CPNE4: variants seen among roughly 807,000 people sequenced by gnomAD.
The protein encoded by CPNE4 is copine-4.
In CPNE4, 25 loss-of-function variants were observed where a neutral mutation model predicts 67.9. That is an observed-to-expected ratio of 0.37 (90% CI 0.27 to 0.51). The LOEUF is 0.51. CPNE4 is among the 20% of genes least tolerant of loss of function. The pLI is 0.93. For missense variants in CPNE4, 464 were observed against 690.8 expected (o/e 0.67, Z 3.68); for synonymous variants, 242 against 244.9 (o/e 0.99, Z 0.11).
At chr3:132,018,166 A>T (rs890621572) in intron 1 of CPNE4, among the ~76,000 whole-genome samples, 43 of 79,492 alleles carry the variant, frequency 5.4e-4, no homozygotes, top group Non-Finnish European at 1.0e-3. Flanking sequence ...ATATATTTTT[A>T]AAAAAGAATT....
Position 131,715,214 on chromosome 3 carries a change from AT to A in CPNE4, c.360+8231del, listed in dbSNP as rs1026257197. Reference sequence around the variant, plus strand: ...GGTTTTCGGAGGTTGACACACTGCCATTTTTTAAGAAGCCATATTATATTTA... The same window carrying A: ...GGTTTTCGGAGGTTGACACACTGCCATTTTTAAGAAGCCATATTATATTTA... On this transcript the variant is annotated intron_variant, in intron 3 of 15. Coordinates refer to ENST00000429747, the MANE Select transcript of CPNE4 (RefSeq NM_130808.3). Among the ~76,000 whole-genome samples the A allele has an allele frequency of 7.2e-5, 11 of 152,308 alleles. 1 individual carries two copies. Among genetic ancestry groups the A allele is most frequent in the African/African-American group, 2.6e-4 (11 of 41,570 alleles).
intron 10 of CPNE4, among the ~76,000 whole-genome samples, chr3:131,571,617 C>A (rs567710725): frequency 6.6e-6 from 1 of 152,116 alleles, no homozygotes; most frequent in East Asian, 1.9e-4. Context: ...CACAGTACCT[C>A]TCCTGCTGCT....
At chr3:131,567,212 G>T (rs1216835865) in intron 10 of CPNE4, among the ~76,000 whole-genome samples, 4 of 151,890 alleles carry the variant, frequency 2.6e-5, no homozygotes, top group Non-Finnish European at 5.9e-5. Context: ...ATATAGGCCA[G>T]AGGAAAAAAA....
At chr3:131,611,705 A>G (rs945954467) in intron 7 of CPNE4, among the ~76,000 whole-genome samples, 1 of 151,386 alleles carries the variant, frequency 6.6e-6, no homozygotes, top group Non-Finnish European at 1.5e-5. Context: ...TCCTTTGCAT[A>G]CCAGCCCCTG....
intron 2 of CPNE4, among the ~76,000 whole-genome samples, chr3:131,821,912 AC>A (rs1374113448): frequency 1.3e-5 from 2 of 152,082 alleles, no homozygotes; most frequent in African/African-American, 4.8e-5. Context: ...GACAAAATCC[AC>A]CCCGAATAAT....
rs533306638 is a variant in CPNE4 at position 131,871,942 on chromosome 3, A to G, written c.180+33322T>C. Among the ~76,000 whole-genome samples the G allele has an allele frequency of 6.6e-5, 10 of 152,222 alleles. No homozygotes were observed. The South Asian group carries it at 2.1e-3, about 32-fold the overall frequency. Reference sequence around the variant, plus strand: ...TAAGTAAGATGCTGTGGTAGATTACATTTTCCAAAGATGGCTACACCAAGA... The same window carrying G: ...TAAGTAAGATGCTGTGGTAGATTACGTTTTCCAAAGATGGCTACACCAAGA... On this transcript the variant is annotated intron_variant, in intron 2 of 15. Transcript: ENST00000429747.
chr3:131,784,509 G>A (rs1004268427), intron 2 of CPNE4, among the ~76,000 whole-genome samples: 5 of 152,088 alleles, frequency 3.3e-5, no homozygotes, highest in Non-Finnish European at 7.4e-5. Flanking sequence ...CAGCCTGCAA[G>A]TGTGGGTGAA....
intron 1 of CPNE4, among the ~76,000 whole-genome samples, chr3:131,955,410 G>GTTTTTTTGT (rs1553814124): frequency 9.5e-5 from 4 of 42,270 alleles, no homozygotes; most frequent in Admixed American, 3.0e-4. Flanking sequence ...TGTATGTAAG[G>GTTTTTTTGT]TTTTTTTTTT....
At chr3:131,924,697 T>G (rs570331291) in intron 1 of CPNE4, among the ~76,000 whole-genome samples, 6 of 152,324 alleles carry the variant, frequency 3.9e-5, no homozygotes, top group Non-Finnish European at 7.4e-5. Flanking sequence ...AATAGTATTT[T>G]CAGTCCCTAG....
chr3:131,835,396 G>T (rs547299404), intron 2 of CPNE4, among the ~76,000 whole-genome samples: 20 of 152,234 alleles, frequency 1.3e-4, no homozygotes, highest in African/African-American at 4.1e-4. Context: ...GGGCATGGTG[G>T]GGCGTGCCTG....
intron 1 of CPNE4, among the ~76,000 whole-genome samples, chr3:131,929,000 T>A (rs889519819): frequency 2.0e-5 from 3 of 152,094 alleles, no homozygotes; most frequent in Admixed American, 1.3e-4. Flanking sequence ...TCTTTTAAAC[T>A]ACAGTTGCAA....
intron 2 of CPNE4, among the ~76,000 whole-genome samples, chr3:131,792,676 TATAC>T (rs2107885830): frequency 1.4e-5 from 1 of 71,346 alleles, no homozygotes; most frequent in Non-Finnish European, 2.8e-5. Flanking sequence ...TATATACATA[TATAC>T]ACACGTGTAT....
intron 2 of CPNE4, among the ~76,000 whole-genome samples, chr3:131,884,551 G>A (rs1004054875): frequency 2.6e-5 from 4 of 152,136 alleles, no homozygotes; most frequent in African/African-American, 9.7e-5. Flanking sequence ...GTTTCAGAGA[G>A]CAGGTTCCGC....
intron 7 of CPNE4, among the ~76,000 whole-genome samples, chr3:131,654,352 T>A (rs2079894040): frequency 6.6e-6 from 1 of 152,132 alleles, no homozygotes; most frequent in South Asian, 2.1e-4. Context: ...GTCACCCAGG[T>A]ACTAAGCCTA....
intron 7 of CPNE4, among the ~76,000 whole-genome samples, chr3:131,651,283 C>G (rs2079809842): frequency 6.6e-6 from 1 of 152,092 alleles, no homozygotes; most frequent in Admixed American, 6.6e-5. Flanking sequence ...TTATTAAAAG[C>G]TTAGAAAAAC....
At chr3:131,803,953 T>C (rs749770944) in intron 2 of CPNE4, among the ~76,000 whole-genome samples, 2 of 152,182 alleles carry the variant, frequency 1.3e-5, no homozygotes, top group African/African-American at 4.8e-5. Flanking sequence ...GTTTATAAAG[T>C]CTAGTTACAA....
intron 1 of CPNE4, among the ~76,000 whole-genome samples, chr3:132,024,082 ATTTTTT>A: frequency 7.5e-6 from 1 of 134,040 alleles, no homozygotes; most frequent in African/African-American, 2.8e-5. Flanking sequence ...GTCTTCAGTA[ATTTTTT>A]TTTTTTTTTT....
At chr3:131,633,295 C>T (rs2079282783) in intron 7 of CPNE4, among the ~76,000 whole-genome samples, 1 of 152,098 alleles carries the variant, frequency 6.6e-6, no homozygotes, top group African/African-American at 2.4e-5. Flanking sequence ...CATTACCTCT[C>T]TAAAATTTCA....
At chr3:131,901,174 G>C (rs1031065487) in intron 2 of CPNE4, among the ~76,000 whole-genome samples, 1 of 152,082 alleles carries the variant, frequency 6.6e-6, no homozygotes, top group Non-Finnish European at 1.5e-5. Context: ...GTTCATAAGA[G>C]TCCTTGCCTT....
Sources: gnomAD v4.1 joint callset for allele counts (sites outside exome capture counted in the v4.1 genomes callset) on GRCh38, gnomAD v4.1.1 for gene constraint, MANE v1.5 for transcripts, NCBI Gene and HGNC (gene_info 2026-07-23, HGNC 2026-07-21) for gene names.